The following MYT1 variants were observed in gnomAD, a reference collection of about 807,000 sequenced individuals.
MYT1 encodes myelin transcription factor 1.
In MYT1, 23 loss-of-function variants were observed where a neutral mutation model predicts 123.0. The ratio of observed to expected loss-of-function variants is 0.19; its 90% confidence interval spans 0.13 to 0.26. The LOEUF (loss-of-function observed/expected upper bound fraction) is 0.26, where lower values mean the gene tolerates loss of function less well. Ranked by LOEUF, MYT1 falls within the 10% of genes least tolerant of loss-of-function variation. The pLI, the probability that MYT1 is intolerant of heterozygous loss-of-function variation, is 1.00. For missense variants in MYT1, 1,125 were observed against 1,472.5 expected, an observed-to-expected ratio of 0.76 and a Z score of 3.86; for synonymous variants, 518 against 575.3, an observed-to-expected ratio of 0.90 and a Z score of 1.43.
chr20:64,239,437 C>T (rs1984647145), intron 21 of MYT1, among the ~76,000 whole-genome samples: 1 of 152,128 alleles, frequency 6.6e-6, no homozygotes, highest in South Asian at 2.1e-4. Flanking sequence ...GACAGAGGGG[C>T]TCAGAAAACC....
At chr20:64,228,706 G>A (rs6062671) in intron 18 of MYT1, among the ~76,000 whole-genome samples, 1 of 152,194 alleles carries the variant, frequency 6.6e-6, no homozygotes, top group Admixed American at 6.5e-5. Flanking sequence ...CCCACTTTTA[G>A]GTGGGGGGAA....
At chr20:64,240,056 G>A (rs867681998) in intron 22 of MYT1, among the ~76,000 whole-genome samples, 153 bp downstream of exon 22, 6 of 152,204 alleles carry the variant, frequency 3.9e-5, no homozygotes, top group East Asian at 3.9e-4. Flanking sequence ...CGAATGGCCC[G>A]GGCTGTTGGC....
chr20:64,237,908 A>G (rs1273888081), intron 21 of MYT1, among the ~76,000 whole-genome samples: 1 of 152,136 alleles, frequency 6.6e-6, no homozygotes, highest in African/African-American at 2.4e-5. Context: ...ATTCCTCCAT[A>G]AAATGGAGGT....
intron 1 of MYT1, among the ~76,000 whole-genome samples, chr20:64,173,595 C>CCTG (rs199718753): frequency 7.7e-5 from 5 of 65,186 alleles, no homozygotes; most frequent in African/African-American, 2.1e-4. Flanking sequence ...AGCATCTTTC[C>CCTG]TAGTTGTGTC....
intron 13 of MYT1, 75 bp from the exon 14 acceptor site, chr20:64,221,818 T>A: frequency 6.6e-7 from 1 of 1,507,672 alleles, no homozygotes; most frequent in Non-Finnish European, 9.1e-7. Flanking sequence ...AGGGTCCCTC[T>A]CCCTCGCCCA....
At chr20:64,178,853 C>T (rs1331554509) in intron 1 of MYT1, among the ~76,000 whole-genome samples, 8 of 125,506 alleles carry the variant, frequency 6.4e-5, no homozygotes, top group African/African-American at 1.3e-4. Flanking sequence ...AGCCGTTATT[C>T]GGTGGGATAC....
Position 64,212,864 on chromosome 20 carries a change from T to C in MYT1, c.1518-670T>C, listed in dbSNP as rs576351977. 4.3e-4 allele frequency among the ~76,000 whole-genome samples: 66 copies of C among 152,140 alleles called. 2 individuals carry two copies. The South Asian group carries it at 0.013, about 29-fold the overall frequency. On this transcript the variant is annotated intron_variant, in intron 9 of 22. Transcript: ENST00000328439. The surrounding 1 kb of genome is among the most constrained non-coding windows in gnomAD (Gnocchi z 6.8). Reference sequence around the variant, plus strand: ...GCCGTGGCCTCGGTGGGATATGCTTTCCCCCAGCAGGCTTATGCTCAGCTG... The same window carrying C: ...GCCGTGGCCTCGGTGGGATATGCTTCCCCCCAGCAGGCTTATGCTCAGCTG...
intron 15 of MYT1, 56 bp downstream of exon 15, chr20:64,223,229 C>T (rs1984063604): frequency 1.2e-6 from 2 of 1,613,036 alleles, no homozygotes; most frequent in Admixed American, 3.3e-5. Flanking sequence ...GGTCTTCCTC[C>T]TCTCCTCCTC....
intron 18 of MYT1, among the ~76,000 whole-genome samples, chr20:64,229,781 T>A (rs1171929704): frequency 6.6e-6 from 1 of 152,218 alleles, no homozygotes; most frequent in Non-Finnish European, 1.5e-5. Context: ...TATTTAAAAT[T>A]AAGTCACATC....
intron 1 of MYT1, among the ~76,000 whole-genome samples, chr20:64,180,484 T>C (rs977676961): frequency 2.0e-5 from 3 of 152,246 alleles, no homozygotes; most frequent in African/African-American, 7.2e-5. Flanking sequence ...ACACAAGTGC[T>C]GACCCCTTGC....
At chr20:64,216,126 C>G (rs746386428) in intron 10 of MYT1, among the ~76,000 whole-genome samples, 2 of 152,320 alleles carry the variant, frequency 1.3e-5, no homozygotes, top group East Asian at 1.9e-4. Context: ...CACTTAAGTT[C>G]TCGTAGCACC....
intron 1 of MYT1, among the ~76,000 whole-genome samples, chr20:64,165,682 G>A (rs1003686683): frequency 1.3e-5 from 2 of 152,162 alleles, no homozygotes; most frequent in Admixed American, 1.3e-4. Context: ...TTTAATTTTG[G>A]AAACCAAACA....
intron 1 of MYT1, among the ~76,000 whole-genome samples, chr20:64,165,067 A>G (rs1187847958): frequency 6.6e-6 from 1 of 152,074 alleles, no homozygotes. Flanking sequence ...CTTTATGCGC[A>G]TTTCTGGAAG....
intron 1 of MYT1, among the ~76,000 whole-genome samples, chr20:64,187,972 C>G (rs937161178): frequency 6.6e-6 from 1 of 152,192 alleles, no homozygotes; most frequent in Non-Finnish European, 1.5e-5. Flanking sequence ...TTTGGAGGAG[C>G]AGTTGATCCC....
At chr20:64,169,403 T>C (rs1982177766) in intron 1 of MYT1, among the ~76,000 whole-genome samples, 1 of 152,200 alleles carries the variant, frequency 6.6e-6, no homozygotes, top group African/African-American at 2.4e-5. Flanking sequence ...TACAGGGTTT[T>C]TGGGTTCTGA....
chr20:64,240,184 C>G, intron 22 of MYT1, 136 bp from the exon 23 acceptor site: 1 of 1,262,898 alleles, frequency 7.9e-7, no homozygotes, highest in East Asian at 2.4e-5. Flanking sequence ...CAGAGAGGAA[C>G]GCCCAGTGCT....
At chr20:64,187,746 T>C (rs556657022) in intron 1 of MYT1, among the ~76,000 whole-genome samples, 1 of 152,382 alleles carries the variant, frequency 6.6e-6, no homozygotes, top group African/African-American at 2.4e-5. Flanking sequence ...GATAGCCGTT[T>C]GCTGCCAAGA....
chr20:64,199,226 C>T (rs1983216884), intron 3 of MYT1, among the ~76,000 whole-genome samples: 1 of 152,194 alleles, frequency 6.6e-6, no homozygotes, highest in African/African-American at 2.4e-5. Context: ...GCCAGCCTTC[C>T]ACCGCCAGCC....
Position 64,242,057 on chromosome 20 carries a change from G to A in MYT1, c.*1609G>A, listed in dbSNP as rs895779062. 3.9e-5 allele frequency: 6 copies of A among 152,532 alleles called. No homozygotes were observed. Among genetic ancestry groups the A allele is most frequent in the Admixed American group, 1.3e-4 (2 of 15,280 alleles). 9.4% of individuals were successfully genotyped at this position (152,532 alleles called of 1,614,324 possible). ...GTCGCGTTTGCGTGTCGGCTCTTGC[G>A]GTGGAGTCCTGTTGCTGTGAGGGAG... On this transcript the variant is annotated 3_prime_UTR_variant, in exon 23 of 23. Coordinates refer to ENST00000328439, the MANE Select transcript of MYT1 (RefSeq NM_004535.3).
Sources: allele counts gnomAD v4.1 joint callset (sites outside exome capture counted in the v4.1 genomes callset), GRCh38; gene constraint gnomAD v4.1.1; non-coding constraint Gnocchi (gnomAD v3.1); transcripts MANE v1.5; gene names NCBI Gene and HGNC (gene_info 2026-07-23, HGNC 2026-07-21).